The following RTL4 variants were observed in gnomAD, a reference collection of about 807,000 sequenced individuals.
The protein encoded by RTL4 is retrotransposon Gag like 4.
A neutral mutation model predicts 5.3 loss-of-function variants in RTL4; 4 were observed. The ratio of observed to expected loss-of-function variants is 0.75; its 90% confidence interval spans 0.37 to 1.72. The LOEUF (loss-of-function observed/expected upper bound fraction) is 1.72. RTL4 is among the 40% of genes most tolerant of loss of function. RTL4 has a pLI of 0.04. For synonymous variants in RTL4, 98 were observed against 87.3 expected (o/e 1.12, Z -0.68); for missense variants, 260 against 227.1 (o/e 1.14, Z -0.93).
the RTL4 span, among the ~76,000 whole-genome samples, chrX:112,361,936 T>C: frequency 9.0e-6 from 1 of 111,633 alleles, no homozygotes; most frequent in African/African-American, 3.2e-5. Flanking sequence ...TTCCCTATTA[T>C]TCAGCTTCAA....
chrX:112,221,773 G>A, the RTL4 span, among the ~76,000 whole-genome samples: 3 of 112,017 alleles, frequency 2.7e-5, no homozygotes, highest in Non-Finnish European at 5.6e-5. Flanking sequence ...AAGGGGTAAC[G>A]GACTAACAAA....
chrX:112,381,869 C>T, the RTL4 span: 1 of 1,206,937 alleles, frequency 8.3e-7, no homozygotes, highest in Non-Finnish European at 1.1e-6. Context: ...ACTGAGCGAG[C>T]CAGACAAGAG....
chrX:112,323,683 G>A, the RTL4 span, among the ~76,000 whole-genome samples: 5 of 110,054 alleles, frequency 4.5e-5, no homozygotes, highest in Non-Finnish European at 9.5e-5. Flanking sequence ...TGTAGAAATG[G>A]TTTGCCATGT....
chrX:112,099,800 G>T, the RTL4 span, among the ~76,000 whole-genome samples: 651 of 111,506 alleles, frequency 5.8e-3, 2 homozygotes, highest in Non-Finnish European at 8.3e-3. Context: ...TAGAGGCATG[G>T]AGATAAGATT....
At chrX:112,193,678 C>T in the RTL4 span, among the ~76,000 whole-genome samples, 2 of 111,100 alleles carry the variant, frequency 1.8e-5, no homozygotes, top group Admixed American at 9.7e-5. Flanking sequence ...CCTTCTGAGA[C>T]TCCCTTTATG....
the RTL4 span, among the ~76,000 whole-genome samples, chrX:112,231,513 T>C: frequency 1.1e-5 from 1 of 93,658 alleles, no homozygotes; most frequent in Non-Finnish European, 2.0e-5. Context: ...TAGGTGGGAA[T>C]TGAACAATGA....
chrX:112,191,794 G>T, the RTL4 span, among the ~76,000 whole-genome samples: 2 of 111,668 alleles, frequency 1.8e-5, no homozygotes, highest in African/African-American at 6.5e-5. Flanking sequence ...TTTTTGAATT[G>T]TCTTGATGCA....
the RTL4 span, among the ~76,000 whole-genome samples, chrX:112,410,670 A>T: frequency 8.9e-6 from 1 of 111,827 alleles, no homozygotes; most frequent in Middle Eastern, 4.6e-3. Context: ...GAAATTTAAA[A>T]ATTTATTGAA....
At chrX:112,236,667 A>G in the RTL4 span, among the ~76,000 whole-genome samples, 4 of 107,168 alleles carry the variant, frequency 3.7e-5, no homozygotes, top group East Asian at 6.0e-4. Flanking sequence ...CAATCAGTAG[A>G]GACATCAGAG....
At chrX:112,100,782 T>G in the RTL4 span, among the ~76,000 whole-genome samples, 1 of 111,799 alleles carries the variant, frequency 8.9e-6, no homozygotes, top group African/African-American at 3.2e-5. Context: ...CCACACACAC[T>G]TAAATCATAG....
At chrX:112,213,152 C>G in the RTL4 span, among the ~76,000 whole-genome samples, 2 of 112,825 alleles carry the variant, frequency 1.8e-5, no homozygotes, top group East Asian at 2.8e-4. Flanking sequence ...GAACAAATGC[C>G]TAGGCAGCTA....
At chrX:112,085,004 G>T in the RTL4 span, among the ~76,000 whole-genome samples, 1 of 112,416 alleles carries the variant, frequency 8.9e-6, no homozygotes, top group African/African-American at 3.2e-5. Context: ...CCATACAAAT[G>T]CCAGGCATTA....
At chrX:112,165,994 T>A in the RTL4 span, among the ~76,000 whole-genome samples, 1 of 112,595 alleles carries the variant, frequency 8.9e-6, no homozygotes, top group African/African-American at 3.2e-5. Context: ...GAAGGAGATT[T>A]GCAACCAGAG....
the RTL4 span, among the ~76,000 whole-genome samples, chrX:112,210,482 A>G: frequency 8.9e-6 from 1 of 112,555 alleles, no homozygotes; most frequent in Non-Finnish European, 1.9e-5. Context: ...AGCCATAAGA[A>G]CATTGAAAAT....
chrX:112,165,603 C>A, the RTL4 span, among the ~76,000 whole-genome samples: 10 of 111,726 alleles, frequency 9.0e-5, no homozygotes, highest in Non-Finnish European at 1.9e-4. Context: ...CTCTCTTTCC[C>A]GTTTTGGCCT....
chrX:112,225,592 G>A, the RTL4 span, among the ~76,000 whole-genome samples: 2 of 111,835 alleles, frequency 1.8e-5, no homozygotes, highest in Admixed American at 1.9e-4. Context: ...GTATACTTGA[G>A]ATGAGACCAA....
the RTL4 span, among the ~76,000 whole-genome samples, chrX:112,261,639 T>C: frequency 1.8e-5 from 2 of 111,628 alleles, no homozygotes; most frequent in Admixed American, 1.9e-4. Context: ...ATAGATTCAG[T>C]GCCATCCCCA....
chrX:112,123,513 A>G, the RTL4 span, among the ~76,000 whole-genome samples: 3 of 112,118 alleles, frequency 2.7e-5, no homozygotes, highest in African/African-American at 9.7e-5. Context: ...GAAGGGGTCC[A>G]GTTTCAGTTT....
chrX:112,397,174 T>C, the RTL4 span, among the ~76,000 whole-genome samples: 1 of 111,767 alleles, frequency 8.9e-6, no homozygotes, highest in African/African-American at 3.3e-5. Flanking sequence ...TTGCTTCCAG[T>C]ATCCCCATTA....
Sources: gnomAD v4.1 joint callset for allele counts (sites outside exome capture counted in the v4.1 genomes callset) on GRCh38, gnomAD v4.1.1 for gene constraint, MANE v1.5 for transcripts, NCBI Gene and HGNC (gene_info 2026-07-23, HGNC 2026-07-21) for gene names.